The following PTPRM variants were observed in gnomAD, a reference collection of about 807,000 sequenced individuals.
PTPRM encodes the protein receptor-type tyrosine-protein phosphatase mu.
PTPRM carries 47 observed loss-of-function variants against 186.7 expected under a neutral mutation model. That is an observed-to-expected ratio of 0.25 (90% CI 0.20 to 0.32). The LOEUF (loss-of-function observed/expected upper bound fraction) is 0.32, where lower values mean the gene tolerates loss of function less well. Among genes scored for constraint, PTPRM ranks in the 10% least tolerant of loss-of-function variants. The pLI, the probability that PTPRM is intolerant of heterozygous loss-of-function variation, is 1.00. For synonymous variants in PTPRM, 668 were observed against 674.9 expected, an observed-to-expected ratio of 0.99 and a Z score of 0.16; for missense variants, 1,494 against 1,865.0, an observed-to-expected ratio of 0.80 and a Z score of 3.66.
At chr18:8,315,280 C>T (rs766693809) in intron 21 of PTPRM, among the ~76,000 whole-genome samples, 1 of 152,168 alleles carries the variant, frequency 6.6e-6, no homozygotes, top group Non-Finnish European at 1.5e-5. Context: ...TGGGACAAAA[C>T]TCTCTAATTC....
At chr18:7,917,767 C>CT (rs75233832) in intron 4 of PTPRM, among the ~76,000 whole-genome samples, 23,167 of 151,934 alleles carry the variant, frequency 0.15, 1,860 homozygotes, top group Middle Eastern at 0.33. Flanking sequence ...TCTTCAAGCA[C>CT]TAAGTTTTAT....
chr18:7,928,108 A>T (rs1309853516), intron 5 of PTPRM, among the ~76,000 whole-genome samples: 3 of 152,122 alleles, frequency 2.0e-5, no homozygotes, highest in Non-Finnish European at 4.4e-5. Context: ...TCCCAAGATT[A>T]ATCAGCAATG....
intron 2 of PTPRM, among the ~76,000 whole-genome samples, chr18:7,802,716 A>G (rs901024013): frequency 6.6e-5 from 10 of 152,236 alleles, no homozygotes; most frequent in African/African-American, 2.2e-4. Context: ...TTCCTGCAAT[A>G]AGAAAGCTAG....
chr18:8,113,865 T>C, intron 12 of PTPRM, 106 bp downstream of exon 12: 1 of 1,156,640 alleles, frequency 8.6e-7, no homozygotes, highest in Admixed American at 2.6e-5. Flanking sequence ...TCTGCATTTC[T>C]ACTTGTAAAC....
intron 19 of PTPRM, among the ~76,000 whole-genome samples, chr18:8,288,227 T>TGG: frequency 6.6e-6 from 1 of 152,130 alleles, no homozygotes; most frequent in Non-Finnish European, 1.5e-5. Context: ...GATGAAATAT[T>TGG]CTTGTGATGA....
At chr18:7,966,809 C>T (rs1243563406) in intron 7 of PTPRM, among the ~76,000 whole-genome samples, 1 of 132,430 alleles carries the variant, frequency 7.6e-6, no homozygotes, top group Non-Finnish European at 1.8e-5. Context: ...GGTCCTACGC[C>T]CACGGAGTCT....
At chr18:8,160,658 T>C (rs76937207) in intron 14 of PTPRM, among the ~76,000 whole-genome samples, 2,502 of 152,242 alleles carry the variant, frequency 0.016, 77 homozygotes, top group African/African-American at 0.057. Flanking sequence ...TCAAGTCTTC[T>C]ATTCAGTGGT....
chr18:7,588,663 T>A (rs574067450), intron 1 of PTPRM, among the ~76,000 whole-genome samples: 2 of 152,334 alleles, frequency 1.3e-5, no homozygotes, highest in African/African-American at 4.8e-5. Context: ...AAAAACAAAT[T>A]GTTAATGATT....
chr18:8,053,185 A>G (rs1189503885), intron 7 of PTPRM, among the ~76,000 whole-genome samples: 1 of 152,092 alleles, frequency 6.6e-6, no homozygotes, highest in Admixed American at 6.6e-5. Context: ...CCTTCTTTAC[A>G]ATAATAAGGT....
chr18:7,602,739 C>T (rs1451683793), intron 1 of PTPRM, among the ~76,000 whole-genome samples: 1 of 150,940 alleles, frequency 6.6e-6, no homozygotes, highest in East Asian at 1.9e-4. Flanking sequence ...TCTCCTTGCA[C>T]TGTGAACGTG....
In PTPRM at chr18:8,202,215, G is replaced by C. The variant is rs570976458; in HGVS notation, c.2301-41843G>C. ...TATAAGATCTCATACGAGTTATTTT[G>C]AGGGAAGGGAATGGAAAATAAAGAT... is the stretch of plus-strand genomic sequence containing the variant. On this transcript the variant is annotated intron_variant, in intron 14 of 32. Transcript: ENST00000580170. 3.3e-5 allele frequency among the ~76,000 whole-genome samples: 5 copies of C among 152,214 alleles called. No individual in the cohort carries two copies. The South Asian group carries it at 1.0e-3, about 32-fold the overall frequency.
intron 1 of PTPRM, among the ~76,000 whole-genome samples, chr18:7,723,551 G>A (rs2040489606): frequency 1.3e-5 from 2 of 152,092 alleles, no homozygotes; most frequent in South Asian, 4.2e-4. Context: ...GCCCACCCCT[G>A]CCCTCTGTGC....
In PTPRM at chr18:8,076,630, C is replaced by A. The variant is rs1242295622; in HGVS notation, c.1551+66C>A. On this transcript the variant is annotated intron_variant, in intron 9 of 32. Coordinates refer to ENST00000580170, the MANE Select transcript of PTPRM (RefSeq NM_001105244.2). ...TCATGATCATGATAATGTAGGCTAT[C>A]TAGTATTTAAAAATGCATACTTACA... 5.0e-6 allele frequency: 4 copies of A among 795,172 alleles called. No individual in the cohort carries two copies. The African/African-American group carries it at 5.4e-5, about 11-fold the overall frequency. 49.3% of individuals were successfully genotyped at this position (795,172 alleles called of 1,614,324 possible). A position where few individuals can be genotyped will look rare whatever the true frequency, so the allele number is the denominator to read the frequency against.
chr18:8,133,010 A>G (rs1164566621), intron 13 of PTPRM, among the ~76,000 whole-genome samples: 1 of 152,174 alleles, frequency 6.6e-6, no homozygotes, highest in East Asian at 1.9e-4. Flanking sequence ...GCAATCCAAG[A>G]GCATTTTGCT....
intron 7 of PTPRM, among the ~76,000 whole-genome samples, chr18:7,958,393 G>C (rs553270997): frequency 3.9e-5 from 6 of 152,180 alleles, no homozygotes; most frequent in African/African-American, 1.4e-4. Context: ...CATGGGGAGA[G>C]CAATCAGGAT....
chr18:7,860,594 C>T (rs2047329787), intron 2 of PTPRM, among the ~76,000 whole-genome samples: 1 of 152,252 alleles, frequency 6.6e-6, no homozygotes, highest in Middle Eastern at 3.4e-3. Flanking sequence ...AATCATCTGG[C>T]CTCTTTCACC....
chr18:8,222,481 A>G (rs1022404834), intron 14 of PTPRM, among the ~76,000 whole-genome samples: 27 of 152,208 alleles, frequency 1.8e-4, no homozygotes, highest in Non-Finnish European at 5.9e-5. Flanking sequence ...CAAAGTTTCC[A>G]TCTCTTTCAT....
intron 19 of PTPRM, among the ~76,000 whole-genome samples, chr18:8,272,484 G>A (rs2094784860): frequency 6.6e-6 from 1 of 151,622 alleles, no homozygotes; most frequent in Admixed American, 6.6e-5. Context: ...CCTGCATCCA[G>A]TAAGTTTGAC....
rs2095698315 is a variant in PTPRM at position 8,376,745 on chromosome 18, C to CCCTT, written c.3462+151_3462+154dup. ...TTCCCTGTTCCTTCCCTCCCTCCCT[C>CCCTT]CCTTCCCCCTTTTTGTTTTTCCTCT... On this transcript the variant is annotated intron_variant, in intron 26 of 32. Coordinates refer to ENST00000580170, the MANE Select transcript of PTPRM (RefSeq NM_001105244.2). The CCCTT allele has an allele frequency of 1.3e-5, 13 of 999,792 alleles. 1 individual carries two copies. The highest frequency in any genetic ancestry group is 1.9e-5 in the South Asian group (1 of 52,088). The allele number at this position is 999,792 out of a possible 1,614,324, so 61.9% of individuals were successfully genotyped here. A position where few individuals can be genotyped will look rare whatever the true frequency, so the allele number is the denominator to read the frequency against.
Sources: gnomAD v4.1 joint callset for allele counts (sites outside exome capture counted in the v4.1 genomes callset) on GRCh38, gnomAD v4.1.1 for gene constraint, MANE v1.5 for transcripts, NCBI Gene and HGNC (gene_info 2026-07-23, HGNC 2026-07-21) for gene names.